The following SMC3 variants were observed in gnomAD, a reference collection of about 807,000 sequenced individuals.
The protein encoded by SMC3 is structural maintenance of chromosomes protein 3.
Under a neutral mutation model 171.8 loss-of-function variants are expected in SMC3, and 20 were observed. That is an observed-to-expected ratio of 0.12 (90% CI 0.08 to 0.17). The LOEUF is 0.17. SMC3 is among the 10% of genes least tolerant of loss of function. SMC3 has a pLI of 1.00. For synonymous variants in SMC3, 464 were observed against 451.1 expected (o/e 1.03, Z -0.36); for missense variants, 543 against 1,420.4 (o/e 0.38, Z 9.93).
chr10:110,602,266 C>G, intron 25 of SMC3, 88 bp downstream of exon 25: 1 of 1,235,828 alleles, frequency 8.1e-7, no homozygotes, highest in Non-Finnish European at 1.2e-6. Flanking sequence ...AAGCTGTTTT[C>G]CTCATTACCA....
rs766926553 is a variant in SMC3, at chr10:110,583,372, A to T, written c.805-12A>T. ...CTAATTGCCTTATTTTCTGTTTAAT[A>T]CTTTTGAATAGGATATCGAACGCCA... On this transcript the variant is annotated splice_polypyrimidine_tract_variant and intron_variant, in intron 10 of 28. Transcript: ENST00000361804. 6.2e-7 allele frequency: 1 copy of T among 1,608,718 alleles called. No homozygotes were observed. Among genetic ancestry groups the T allele is most frequent in the South Asian group, 1.1e-5 (1 of 90,848 alleles).
chr10:110,573,391 A>G (rs1382531774), intron 2 of SMC3, among the ~76,000 whole-genome samples: 1 of 150,522 alleles, frequency 6.6e-6, no homozygotes, highest in African/African-American at 2.4e-5. Flanking sequence ...ATAGAATTAT[A>G]TATCCATTGT....
At chr10:110,582,441 T>C in intron 9 of SMC3, 121 bp from the exon 10 acceptor site, 2 of 754,910 alleles carry the variant, frequency 2.6e-6, no homozygotes, top group Non-Finnish European at 4.4e-6. Flanking sequence ...TTTTAAAATT[T>C]TTGTAGAAAA....
rs201011847 is a variant in SMC3 at position 110,577,922 on chromosome 10, T to G, written c.350+8T>G. On this transcript the variant is annotated splice_region_variant and intron_variant, in intron 6 of 28. Coordinates refer to ENST00000361804, the MANE Select transcript of SMC3 (RefSeq NM_005445.4). ...AGACAAGAAGATGGTCACGTAAGCA[T>G]TTTTCTTTTTTTTAAAAAAACTGAA... 1.9e-6 allele frequency: 3 copies of G among 1,588,588 alleles called. No individual in the cohort carries two copies. Among genetic ancestry groups the G allele is most frequent in the Middle Eastern group, 1.7e-4 (1 of 6,022 alleles).
intron 7 of SMC3, among the ~76,000 whole-genome samples, chr10:110,580,007 G>T (rs1861008912): frequency 6.6e-6 from 1 of 151,962 alleles, no homozygotes; most frequent in Admixed American, 6.6e-5. Context: ...ACATCTGCAA[G>T]TTCAGCCAAC....
At chr10:110,573,667 T>C (rs1860906436) in intron 2 of SMC3, 40 bp from the exon 3 acceptor site, 16 of 1,415,432 alleles carry the variant, frequency 1.1e-5, no homozygotes, top group Non-Finnish European at 1.3e-5. Flanking sequence ...ATTTTATTGG[T>C]TTTTATGTAA....
chr10:110,583,752 C>T, intron 11 of SMC3, 89 bp from the exon 12 acceptor site: 1 of 1,473,294 alleles, frequency 6.8e-7, no homozygotes, highest in Non-Finnish European at 9.3e-7. Context: ...TGGGTTTTCT[C>T]ATGAAGTTTT....
At chr10:110,590,211 A>G (rs1368383299) in intron 15 of SMC3, among the ~76,000 whole-genome samples, 1 of 152,218 alleles carries the variant, frequency 6.6e-6, no homozygotes, top group Non-Finnish European at 1.5e-5. Flanking sequence ...CATTTTTAAC[A>G]CTACTGTTAT....
At chr10:110,593,586 CAT>C (rs72034410) in intron 18 of SMC3, among the ~76,000 whole-genome samples, 9,760 of 151,618 alleles carry the variant, frequency 0.064, 388 homozygotes, top group East Asian at 0.17. Flanking sequence ...AACAAAGAGA[CAT>C]ATAATCTGTA....
Position 110,604,820 on chromosome 10 carries a change from C to T in SMC3, c.*518C>T, listed in dbSNP as rs1590573307. Reference sequence around the variant, plus strand: ...GAGTTTGGGAAGGGAAGCACAAAATCAGCCCCTACCATGGTATATTTATCA... The same window carrying T: ...GAGTTTGGGAAGGGAAGCACAAAATTAGCCCCTACCATGGTATATTTATCA... On this transcript the variant is annotated 3_prime_UTR_variant, in exon 29 of 29. Coordinates refer to ENST00000361804, the MANE Select transcript of SMC3 (RefSeq NM_005445.4). Among the ~76,000 whole-genome samples the T allele has an allele frequency of 6.6e-6, 1 of 152,276 alleles. No individual in the cohort carries two copies. The highest frequency in any genetic ancestry group is 2.1e-4 in the South Asian group (1 of 4,824).
intron 18 of SMC3, among the ~76,000 whole-genome samples, chr10:110,595,692 GAA>G (rs1487724661): frequency 1.3e-5 from 2 of 151,970 alleles, no homozygotes; most frequent in Non-Finnish European, 2.9e-5. Context: ...CTCTTCTGTA[GAA>G]AAGAGTCTCC....
intron 2 of SMC3, among the ~76,000 whole-genome samples, chr10:110,569,481 A>G (rs534129631): frequency 6.6e-6 from 1 of 152,014 alleles, no homozygotes; most frequent in Non-Finnish European, 1.5e-5. Flanking sequence ...TCCCAGTTAT[A>G]GGGGGGTGGG....
rs1564789923 is a variant in SMC3, at chr10:110,582,125, A to AATC, written c.723+29_723+31dup. The AATC allele has an allele frequency of 1.9e-6, 3 of 1,579,774 alleles. No homozygotes were observed. In the South Asian group the frequency reaches 3.3e-5, roughly 18 times the overall value. The stretch of plus-strand genomic sequence containing the variant: ...TAAAATATTTACCTGTGACACTTAA[A>AATC]ATCAGATTAATTTTGTTTTTATGAA... On this transcript the variant is annotated intron_variant, in intron 9 of 28. Coordinates refer to ENST00000361804, the MANE Select transcript of SMC3 (RefSeq NM_005445.4).
intron 18 of SMC3, among the ~76,000 whole-genome samples, chr10:110,594,853 C>G (rs556448528): frequency 6.6e-6 from 1 of 152,254 alleles, no homozygotes; most frequent in East Asian, 1.9e-4. Context: ...TTTGTATAGC[C>G]ACAGTATCAT....
At chr10:110,604,104 A>AC (rs1861430316) in intron 28 of SMC3, 127 bp from the exon 29 acceptor site, 9 of 507,218 alleles carry the variant, frequency 1.8e-5, no homozygotes, top group South Asian at 1.2e-4. Flanking sequence ...CAAAAAAAAA[A>AC]AAAAAAAAAA....
At chr10:110,571,962 A>T (rs1400472593) in intron 2 of SMC3, among the ~76,000 whole-genome samples, 1 of 152,218 alleles carries the variant, frequency 6.6e-6, no homozygotes, top group Non-Finnish European at 1.5e-5. Flanking sequence ...TTAAAAGGAA[A>T]TTCTTAAAAT....
Position 110,577,401 on chromosome 10 carries a change from C to G in SMC3, c.199-20C>G. 6.3e-7 allele frequency: 1 copy of G among 1,585,852 alleles called. No individual in the cohort carries two copies. Among genetic ancestry groups the G allele is most frequent in the Non-Finnish European group, 8.7e-7 (1 of 1,154,618 alleles). The stretch of plus-strand genomic sequence containing the variant: ...AATATACAACTTAAATGGCAAATTT[C>G]TCACTTCTTTCATTTTTAGGAAGGT... On this transcript the variant is annotated intron_variant, in intron 4 of 28. Transcript: ENST00000361804.
chr10:110,568,469 G>A, intron 1 of SMC3: 1 of 181,550 alleles, frequency 5.5e-6, no homozygotes, highest in Admixed American at 5.6e-5. Context: ...ACACGGCCTT[G>A]GAGACGGTTT....
At chr10:110,587,653 T>C (rs1268488470) in intron 13 of SMC3, among the ~76,000 whole-genome samples, 1 of 145,848 alleles carries the variant, frequency 6.9e-6, no homozygotes, top group Non-Finnish European at 1.5e-5. Flanking sequence ...ACCACTGCAC[T>C]CCAGCCTGGA....
Sources: allele counts gnomAD v4.1 joint callset (sites outside exome capture counted in the v4.1 genomes callset), GRCh38; gene constraint gnomAD v4.1.1; transcripts MANE v1.5; gene names NCBI Gene and HGNC (gene_info 2026-07-23, HGNC 2026-07-21).